The following BRD4 variants were observed in gnomAD, a reference collection of about 807,000 sequenced individuals.
BRD4 encodes bromodomain containing 4.
In BRD4, 16 loss-of-function variants were observed where a neutral mutation model predicts 142.1. That is an observed-to-expected ratio of 0.11 (90% CI 0.08 to 0.17). BRD4 has a LOEUF of 0.17. Ranked by LOEUF, BRD4 falls within the 10% of genes least tolerant of loss-of-function variation. The probability of loss-of-function intolerance (pLI) is 1.00; values close to 1 mark genes in which losing one functional copy is unlikely to be tolerated. For synonymous variants in BRD4, 833 were observed against 707.5 expected (o/e 1.18, Z -2.82); for missense variants, 1,424 against 1,810.9 (o/e 0.79, Z 3.88).
intron 3 of BRD4, 34 bp from the exon 4 acceptor site, chr19:15,267,585 G>A: frequency 6.2e-7 from 1 of 1,605,204 alleles, no homozygotes; most frequent in South Asian, 1.1e-5. Flanking sequence ...GAGTCAGAGG[G>A]CCCTCCCCTC....
intron 1 of BRD4, 133 bp downstream of exon 1, chr19:15,332,157 C>A (rs919346177): frequency 2.0e-5 from 3 of 146,446 alleles, no homozygotes; most frequent in African/African-American, 4.9e-5. Flanking sequence ...GGCCTCCCCG[C>A]CCCCGCGCCG....
intron 1 of BRD4, among the ~76,000 whole-genome samples, chr19:15,276,680 C>T (rs1411908729): frequency 2.0e-5 from 3 of 152,162 alleles, no homozygotes; most frequent in African/African-American, 7.2e-5. Flanking sequence ...CTGGGGCTTC[C>T]AGCTCAATCT....
intron 1 of BRD4, among the ~76,000 whole-genome samples, chr19:15,279,178 A>T (rs936085224): frequency 7.9e-5 from 12 of 152,172 alleles, no homozygotes; most frequent in Admixed American, 2.6e-4. Flanking sequence ...TTGCAATCAT[A>T]ATATTTAAGT....
intron 13 of BRD4, among the ~76,000 whole-genome samples, chr19:15,243,782 G>A (rs918330805): frequency 5.3e-5 from 8 of 151,800 alleles, no homozygotes; most frequent in Admixed American, 5.2e-4. Context: ...TCACTTGCCC[G>A]GCCATTCCCC....
chr19:15,238,236 G>A lies in BRD4; in HGVS notation c.*141C>T. ...TCTGCAATCCTCAGCTGCCCGTCAG[G>A]CCTGCCCCGGGCATAGCATGCAGGA... is the stretch of plus-strand genomic sequence containing the variant. On this transcript the variant is annotated 3_prime_UTR_variant, in exon 20 of 20. Coordinates refer to ENST00000679869, the MANE Select transcript of BRD4 (RefSeq NM_001379291.1). This position sits in a 1 kb window ranked among gnomAD's most constrained non-coding sequence, Gnocchi z 7.2. 2 of 1,395,336 alleles carry A rather than the reference G, an allele frequency of 1.4e-6. No individual in the cohort carries two copies. Among genetic ancestry groups the A allele is most frequent in the Non-Finnish European group, 1.9e-6 (2 of 1,031,400 alleles). The allele number at this position is 1,395,336 out of a possible 1,614,324, so 86.4% of individuals were successfully genotyped here. A position where few individuals can be genotyped will look rare whatever the true frequency, so the allele number is the denominator to read the frequency against.
chr19:15,301,643 C>T (rs531354713), intron 1 of BRD4, among the ~76,000 whole-genome samples: 3 of 151,388 alleles, frequency 2.0e-5, no homozygotes, highest in Admixed American at 6.6e-5. Context: ...GGACAGATCA[C>T]GAGGTCAGGA....
At position 15,238,569 on chromosome 19, in the gene BRD4, C is replaced by T; in HGVS notation, c.4021-124G>A. 6.5e-6 allele frequency: 10 copies of T among 1,535,876 alleles called. No homozygotes were observed. Among genetic ancestry groups the T allele is most frequent in the Non-Finnish European group, 8.8e-6 (10 of 1,141,012 alleles). On this transcript the variant is annotated intron_variant, in intron 19 of 19. Coordinates refer to ENST00000679869, the MANE Select transcript of BRD4 (RefSeq NM_001379291.1). This position sits in a 1 kb window ranked among gnomAD's most constrained non-coding sequence, Gnocchi z 7.2. ...CCCGTGGCTGACCCCTCATAGCGCT[C>T]ACCCCGTCCACACAGCACTCAGGGC...
At chr19:15,247,045 G>A (rs1183045549) in intron 11 of BRD4, 1 of 191,082 alleles carries the variant, frequency 5.2e-6, no homozygotes, top group Non-Finnish European at 1.1e-5. Context: ...GTTACATGAA[G>A]ATGGCCTCAA....
chr19:15,311,309 C>A (rs10421034), intron 1 of BRD4, among the ~76,000 whole-genome samples: 4 of 150,708 alleles, frequency 2.7e-5, no homozygotes, highest in African/African-American at 9.8e-5. Context: ...AACAAAAAAA[C>A]AAAAAACAGT....
rs1304556796 is a variant in BRD4, at chr19:15,265,708, T to C, written c.560-65A>G. 5.2e-6 allele frequency: 8 copies of C among 1,539,384 alleles called. No individual in the cohort carries two copies. In the Admixed American group the frequency reaches 1.3e-4, roughly 26 times the overall value. ...GACATCCACATGCTGGCTGACCTCGTGGGGACATACACCACACACAGTGAA... is the reference window on the plus strand; with the variant it reads ...GACATCCACATGCTGGCTGACCTCGCGGGGACATACACCACACACAGTGAA... On this transcript the variant is annotated intron_variant, in intron 4 of 19. Transcript: ENST00000679869.
At chr19:15,255,930 G>C (rs1568384003) in intron 9 of BRD4, 134 bp downstream of exon 9, 1 of 1,186,808 alleles carries the variant, frequency 8.4e-7, no homozygotes, top group South Asian at 1.5e-5. Flanking sequence ...CCACCAGCCT[G>C]GCCTGTGAAG....
At chr19:15,244,821 T>C (rs1383773248) in intron 11 of BRD4, 59 bp from the exon 12 acceptor site, 1 of 1,611,808 alleles carries the variant, frequency 6.2e-7, no homozygotes. Context: ...GAGCTGGCCT[T>C]GGATGAAGAA....
chr19:15,255,201 G>GT (rs2047394169), intron 10 of BRD4, 96 bp downstream of exon 10: 2 of 1,252,122 alleles, frequency 1.6e-6, no homozygotes, highest in Non-Finnish European at 2.2e-6. Context: ...AAAAAAAAAG[G>GT]GGGGGGGCGC....
intron 11 of BRD4, chr19:15,247,605 A>C (rs1349553593): frequency 8.6e-6 from 2 of 232,836 alleles, no homozygotes; most frequent in Non-Finnish European, 1.7e-5. Context: ...CAGGCCCGAC[A>C]CTGGTAATCA....
At chr19:15,281,601 T>C (rs2047704882) in intron 1 of BRD4, among the ~76,000 whole-genome samples, 1 of 152,222 alleles carries the variant, frequency 6.6e-6, no homozygotes, top group African/African-American at 2.4e-5. Context: ...AAAGGATCCA[T>C]TGTTACATGT....
At position 15,244,756 on chromosome 19, in the gene BRD4, G is replaced by A. The variant is rs2145517958; in HGVS notation, c.2165C>T (p.Ala722Val). Residue 722 changes from alanine to valine, a missense_variant, in exon 12 of 20, where the codon GCT becomes GTT. By Grantham distance (64) the Ala-to-Val change is moderately conservative. Coordinates refer to ENST00000679869, the MANE Select transcript of BRD4 (RefSeq NM_001379291.1). ...SDSEDSETEM[A>V]PKSKKKGHPG... is the part of the protein sequence containing the mutation. Reference sequence around the variant, plus strand: ...GTGCCCCTTCTTTTTTGACTTCGGAGCCATCTCTGCAGAGGAAAAGAGAAG... The same window carrying A: ...GTGCCCCTTCTTTTTTGACTTCGGAACCATCTCTGCAGAGGAAAAGAGAAG... 3.7e-6 allele frequency: 6 copies of A among 1,614,146 alleles called. No homozygotes were observed. Among genetic ancestry groups the A allele is most frequent in the Non-Finnish European group, 5.1e-6 (6 of 1,180,026 alleles).
At chr19:15,298,987 G>A (rs2145683603) in intron 1 of BRD4, among the ~76,000 whole-genome samples, 1 of 152,282 alleles carries the variant, frequency 6.6e-6, no homozygotes, top group African/African-American at 2.4e-5. Flanking sequence ...ACCCTCTTCT[G>A]CCGGCACAGA....
At chr19:15,299,558 G>A (rs2047851257) in intron 1 of BRD4, among the ~76,000 whole-genome samples, 3 of 152,156 alleles carry the variant, frequency 2.0e-5, no homozygotes, top group South Asian at 2.1e-4. Context: ...GAAGCTGGTC[G>A]ACACAATTTT....
chr19:15,316,448 G>A (rs1273787059), intron 1 of BRD4, among the ~76,000 whole-genome samples: 1 of 151,890 alleles, frequency 6.6e-6, no homozygotes, highest in African/African-American at 2.4e-5. Context: ...AAAAACAGTC[G>A]GGCATGGTGG....
Sources: gnomAD v4.1 joint callset for allele counts (sites outside exome capture counted in the v4.1 genomes callset) on GRCh38, gnomAD v4.1.1 for gene constraint, Gnocchi (gnomAD v3.1) non-coding constraint, MANE v1.5 for transcripts, NCBI Gene and HGNC (gene_info 2026-07-23, HGNC 2026-07-21) for gene names.